CSGALNACT1: variants seen among roughly 807,000 people sequenced by gnomAD.
CSGALNACT1 encodes the protein beta4GalNAcT-1.
A neutral mutation model predicts 51.0 loss-of-function variants in CSGALNACT1; 52 were observed. The ratio of observed to expected loss-of-function variants is 1.02; its 90% CI spans 0.82 to 1.29. CSGALNACT1 has a LOEUF of 1.29. Among genes scored for constraint, CSGALNACT1 ranks in the 50% most tolerant of loss-of-function variants. CSGALNACT1 has a pLI of 0.00. For synonymous variants in CSGALNACT1, 341 were observed against 254.4 expected (o/e 1.34, Z -3.24); for missense variants, 935 against 679.2 (o/e 1.38, Z -4.19).
chr8:19,564,452 G>C (rs1219480538), intron 3 of CSGALNACT1, among the ~76,000 whole-genome samples: 3 of 151,018 alleles, frequency 2.0e-5, no homozygotes, highest in African/African-American at 4.9e-5. Flanking sequence ...GGAAGCCCAG[G>C]TTGGGAACCA....
chr8:19,599,407 G>A (rs2049741358), intron 2 of CSGALNACT1, among the ~76,000 whole-genome samples: 2 of 133,372 alleles, frequency 1.5e-5, no homozygotes, highest in African/African-American at 5.6e-5. Flanking sequence ...CAAGGAAAAA[G>A]GAAAGAAAGG....
chr8:19,743,601 C>T (rs2064453541), intron 1 of CSGALNACT1, among the ~76,000 whole-genome samples: 1 of 152,198 alleles, frequency 6.6e-6, no homozygotes. Flanking sequence ...ACCACATGGA[C>T]TTTCAGTGAT....
At chr8:19,511,585 T>C (rs2078475006) in intron 3 of CSGALNACT1, among the ~76,000 whole-genome samples, 1 of 152,196 alleles carries the variant, frequency 6.6e-6, no homozygotes, top group African/African-American at 2.4e-5. Context: ...CCCAGTTGAA[T>C]TCCTGTAGGC....
At chr8:19,499,381 G>C (rs915601048) in intron 4 of CSGALNACT1, among the ~76,000 whole-genome samples, 1 of 152,030 alleles carries the variant, frequency 6.6e-6, no homozygotes, top group Admixed American at 6.6e-5. Context: ...GTGTGTCTGG[G>C]GCCTAACACA....
At chr8:19,544,256 C>T (rs903191928) in intron 3 of CSGALNACT1, among the ~76,000 whole-genome samples, 50 of 152,172 alleles carry the variant, frequency 3.3e-4, no homozygotes, top group African/African-American at 1.1e-3. Flanking sequence ...TGTGCCACCA[C>T]CACTGAGACC....
intron 1 of CSGALNACT1, among the ~76,000 whole-genome samples, chr8:19,668,284 C>A (rs2059539258): frequency 6.6e-6 from 1 of 152,074 alleles, no homozygotes; most frequent in Non-Finnish European, 1.5e-5. Context: ...GACAGACACC[C>A]CTCAGCTTCC....
chr8:19,468,503 A>C (rs1366927732), intron 4 of CSGALNACT1, among the ~76,000 whole-genome samples: 2 of 152,140 alleles, frequency 1.3e-5, no homozygotes, highest in Non-Finnish European at 2.9e-5. Flanking sequence ...ATCTTTCAGG[A>C]TATTCACCTT....
chr8:19,476,446 T>C (rs2069670510), intron 4 of CSGALNACT1, among the ~76,000 whole-genome samples: 1 of 152,190 alleles, frequency 6.6e-6, no homozygotes, highest in Admixed American at 6.5e-5. Context: ...TTCGCCATGT[T>C]GGCCAAGCTG....
chr8:19,565,418 A>C (rs2041703504), intron 3 of CSGALNACT1, among the ~76,000 whole-genome samples: 1 of 152,216 alleles, frequency 6.6e-6, no homozygotes, highest in Non-Finnish European at 1.5e-5. Context: ...CTATCATGTA[A>C]TTTTTAAAAA....
chr8:19,625,096 A>G (rs952887787), intron 1 of CSGALNACT1, among the ~76,000 whole-genome samples: 1 of 152,226 alleles, frequency 6.6e-6, no homozygotes, highest in Non-Finnish European at 1.5e-5. Context: ...GACACGAGTC[A>G]GTTCCATTCA....
At chr8:19,646,778 G>A (rs28404075) in intron 1 of CSGALNACT1, among the ~76,000 whole-genome samples, 7,951 of 152,122 alleles carry the variant, frequency 0.052, 270 homozygotes, top group South Asian at 0.086. Context: ...AGACCTAGCC[G>A]ATAGTAAGAG....
At chr8:19,513,432 C>CTATATATATATATATA (rs1464867601) in intron 3 of CSGALNACT1, among the ~76,000 whole-genome samples, 13 of 71,898 alleles carry the variant, frequency 1.8e-4, no homozygotes, top group East Asian at 7.3e-4. Flanking sequence ...CTCTCTCTCT[C>CTATATATATATATATA]TCTCTATATA....
At chr8:19,584,057 T>A (rs912037005) in intron 3 of CSGALNACT1, among the ~76,000 whole-genome samples, 1 of 152,130 alleles carries the variant, frequency 6.6e-6, no homozygotes, top group African/African-American at 2.4e-5. Context: ...CCCAAGTGTT[T>A]CTTAAAAATA....
chr8:19,583,083 A>G (rs1021360464), intron 3 of CSGALNACT1, among the ~76,000 whole-genome samples: 1 of 152,130 alleles, frequency 6.6e-6, no homozygotes, highest in African/African-American at 2.4e-5. Context: ...AACACATGCA[A>G]TTTTTATTTG....
At chr8:19,659,512 T>C (rs1165973570) in intron 1 of CSGALNACT1, among the ~76,000 whole-genome samples, 1 of 152,210 alleles carries the variant, frequency 6.6e-6, no homozygotes, top group African/African-American at 2.4e-5. Flanking sequence ...CATAGAAAAT[T>C]AGTCATATGA....
intron 2 of CSGALNACT1, among the ~76,000 whole-genome samples, chr8:19,601,134 A>G (rs903072905): frequency 6.6e-6 from 1 of 152,188 alleles, no homozygotes; most frequent in African/African-American, 2.4e-5. Flanking sequence ...TATTGCATAG[A>G]AACTCAAAAT....
rs542956513 is a variant in CSGALNACT1, at chr8:19,549,656, CTT to C, written c.-297+41502_-297+41503del. 2.6e-4 allele frequency among the ~76,000 whole-genome samples: 22 copies of C among 83,458 alleles called. No individual in the cohort carries two copies. In the South Asian group the frequency reaches 4.3e-3, roughly 16 times the overall value. 54.8% of individuals were successfully genotyped at this position (83,458 alleles called of 152,430 possible). On this transcript the variant is annotated intron_variant, in intron 3 of 9. Coordinates refer to ENST00000454498, the Ensembl canonical transcript of CSGALNACT1. ...TTTCTTCACTTTCCCCAATTTCCTA[CTT>C]TTTTTTTTTTTTTTTTTTTTTTGGC...
chr8:19,418,683 A>C (rs753221269), exon 8 of CSGALNACT1: 4 of 1,613,482 alleles, frequency 2.5e-6, no homozygotes, highest in Non-Finnish European at 3.4e-6. Flanking sequence ...GAGGGACTGC[A>C]TCATGGTGGC....
At chr8:19,607,827 G>C (rs1307485915) in intron 1 of CSGALNACT1, among the ~76,000 whole-genome samples, 3 of 152,182 alleles carry the variant, frequency 2.0e-5, no homozygotes, top group African/African-American at 7.2e-5. Flanking sequence ...AGTGAGGGAG[G>C]ATGATCTTTA....
Sources: gnomAD v4.1 joint callset for allele counts (sites outside exome capture counted in the v4.1 genomes callset) on GRCh38, gnomAD v4.1.1 for gene constraint, MANE v1.5 for transcripts, NCBI Gene and HGNC (gene_info 2026-07-23, HGNC 2026-07-21) for gene names.